The following ABHD1 variants were observed in gnomAD, a reference collection of about 807,000 sequenced individuals.
ABHD1 encodes protein ABHD1.
In ABHD1, 47 loss-of-function variants were observed where a neutral mutation model predicts 41.4. The ratio of observed to expected loss-of-function variants is 1.13; its 90% CI spans 0.90 to 1.45. The LOEUF is 1.45. Ranked by LOEUF, ABHD1 falls within the 40% of genes most tolerant of loss-of-function variation. The pLI is 0.00. For synonymous variants in ABHD1, 205 were observed against 203.7 expected, an observed-to-expected ratio of 1.01 and a Z score of -0.05; for missense variants, 550 against 503.4, an observed-to-expected ratio of 1.09 and a Z score of -0.89.
rs140804693 is a variant in ABHD1 at position 27,128,475 on chromosome 2, C to G, written c.149C>G (p.Ala50Gly). 3.7e-6 allele frequency: 6 copies of G among 1,613,928 alleles called. No homozygotes were observed. The highest frequency in any genetic ancestry group is 5.1e-6 in the Non-Finnish European group (6 of 1,180,014). ...PRLVAGPQFL[A>G]FLEPHCSITT... ...CTGGTGGCTGGGCCGCAGTTTCTGGCCTTCCTGGAGCCACACTGTTCCATC... is the reference window on the plus strand; with the variant it reads ...CTGGTGGCTGGGCCGCAGTTTCTGGGCTTCCTGGAGCCACACTGTTCCATC... The change falls in exon 2 of 9, where the codon GCC (alanine) becomes GGC (glycine). Residue 50 changes from alanine (A) to glycine (G), a missense_variant. Coordinates refer to ENST00000316470, the MANE Select transcript of ABHD1 (RefSeq NM_032604.4).
At position 27,129,842 on chromosome 2, in the gene ABHD1, G is replaced by C; in HGVS notation, c.706G>C (p.Glu236Gln). 1 of 1,614,176 alleles carries C rather than the reference G, an allele frequency of 6.2e-7. No individual in the cohort carries two copies. The highest frequency in any genetic ancestry group is 8.5e-7 in the Non-Finnish European group (1 of 1,180,048). ...LTLSACWDSF[E>Q]TTRSLETPLN... ...TCTGTCTGCATGCTGGGATTCCTTTGAGACCACTCGCTCCCTGGAAACCCC... is the reference window on the plus strand; with the variant it reads ...TCTGTCTGCATGCTGGGATTCCTTTCAGACCACTCGCTCCCTGGAAACCCC... Residue 236 changes from glutamate (E) to glutamine (Q), a missense_variant, in exon 6 of 9, where the codon GAG becomes CAG. Coordinates refer to ENST00000316470, the MANE Select transcript of ABHD1 (RefSeq NM_032604.4).
intron 2 of ABHD1, 48 bp from the exon 3 acceptor site, chr2:27,128,897 C>A: frequency 6.3e-7 from 1 of 1,579,802 alleles, no homozygotes; most frequent in Admixed American, 1.8e-5. Flanking sequence ...TTTTGAATTA[C>A]ATTAAGTTCT....
intron 2 of ABHD1, 52 bp from the exon 3 acceptor site, chr2:27,128,893 A>C: frequency 6.4e-7 from 1 of 1,571,400 alleles, no homozygotes; most frequent in Non-Finnish European, 8.6e-7. Flanking sequence ...AAGCTTTTGA[A>C]TTACATTAAG....
intron 6 of ABHD1, 60 bp downstream of exon 6, chr2:27,129,987 C>T (rs922729542): frequency 2.5e-6 from 4 of 1,610,564 alleles, no homozygotes; most frequent in Non-Finnish European, 3.4e-6. Context: ...ACACTCCAGG[C>T]TCTCCTAGTG....
chr2:27,130,198 C>T, intron 7 of ABHD1, 45 bp downstream of exon 7: 1 of 1,614,142 alleles, frequency 6.2e-7, no homozygotes, highest in African/African-American at 1.3e-5. Flanking sequence ...ATGAGTCTTC[C>T]ACTATCTTCC....
chr2:27,128,050 G>A (rs1047998965), intron 1 of ABHD1, among the ~76,000 whole-genome samples: 4 of 152,160 alleles, frequency 2.6e-5, no homozygotes, highest in African/African-American at 9.7e-5. Context: ...CTGGGCTCAA[G>A]TGATCCTCCC....
In ABHD1 at chr2:27,129,340, C is replaced by T. The variant is rs1433228659; in HGVS notation, c.483C>T (p.Gly161=). The T allele has an allele frequency of 2.5e-6, 4 of 1,614,048 alleles. No individual in the cohort carries two copies. Among genetic ancestry groups the T allele is most frequent in the South Asian group, 1.1e-5 (1 of 91,086 alleles). ...GYQAVVFNNR[G]CRGEELRTHR... ...GGGCTGTCGTGTTTAACAACCGGGG[C>T]TGCCGTGGGGAGGAACTGCGGGTGA... Residue 161 remains glycine (G), a synonymous_variant, in exon 4 of 9, where the codon GGC becomes GGT. Transcript: ENST00000316470.
At position 27,128,970 on chromosome 2, in the gene ABHD1, G is replaced by A. The variant is rs760820844; in HGVS notation, c.301G>A (p.Gly101Ser). The change falls in exon 3 of 9, where the codon GGC becomes AGC. Residue 101 changes from glycine (G) to serine (S), a missense_variant. Gly to Ser is a moderately conservative substitution (Grantham distance 56, BLOSUM62 0). Coordinates refer to ENST00000316470, the MANE Select transcript of ABHD1 (RefSeq NM_032604.4). Reference sequence around the variant, plus strand: ...TGACATCCTCCAAACACCAGATGGAGGCCAGCTCCTGCTAGACTGGGCCAA... The same window carrying A: ...TGACATCCTCCAAACACCAGATGGAAGCCAGCTCCTGCTAGACTGGGCCAA... ...QSDILQTPDG[G>S]QLLLDWAKQP... 1 of 1,614,048 alleles carries A rather than the reference G, an allele frequency of 6.2e-7. No homozygotes were observed. The highest frequency in any genetic ancestry group is 1.7e-5 in the Admixed American group (1 of 59,976).
chr2:27,130,209 T>G, intron 7 of ABHD1, 42 bp from the exon 8 acceptor site: 2 of 1,614,196 alleles, frequency 1.2e-6, no homozygotes, highest in Non-Finnish European at 1.7e-6. Flanking sequence ...ACTATCTTCC[T>G]ATTCTTTATC....
At chr2:27,126,797 C>T (rs1671973278) in intron 1 of ABHD1, 1 of 152,272 alleles carries the variant, frequency 6.6e-6, no homozygotes, top group African/African-American at 2.4e-5. Flanking sequence ...AAGATAAGGT[C>T]CCCGGTAGAA....
chr2:27,129,203 T>TA, intron 3 of ABHD1, 76 bp downstream of exon 3: 1 of 1,591,698 alleles, frequency 6.3e-7, no homozygotes, highest in South Asian at 1.1e-5. Flanking sequence ...CGGACACTGA[T>TA]AGATAAGAAG....
At chr2:27,124,888 C>T (rs1572914357) in intron 1 of ABHD1, 1 of 152,578 alleles carries the variant, frequency 6.6e-6, no homozygotes, top group African/African-American at 2.4e-5. Flanking sequence ...CGCCTGTAAT[C>T]CCAACACTTT....
intron 8 of ABHD1, 44 bp from the exon 9 acceptor site, chr2:27,130,489 C>T (rs776261316): frequency 6.2e-7 from 1 of 1,611,580 alleles, no homozygotes; most frequent in Admixed American, 1.7e-5. Flanking sequence ...ACAGCCTGGG[C>T]TCCCAGTGAA....
chr2:27,124,164 C>T (rs764868129), intron 1 of ABHD1, 102 bp downstream of exon 1: 8 of 1,087,626 alleles, frequency 7.4e-6, no homozygotes, highest in African/African-American at 1.6e-5. Flanking sequence ...GTTGGGCTTC[C>T]CCACAGGTGA....
Position 27,128,491 on chromosome 2 carries a change from CTG to C in ABHD1, c.167_168del (p.Cys56PhefsTer15). The C allele has an allele frequency of 6.2e-7, 1 of 1,604,042 alleles. No homozygotes were observed. Among genetic ancestry groups the C allele is most frequent in the South Asian group, 1.1e-5 (1 of 90,670 alleles). ...PQFLAFLEPHCSITTETFYPT... is the reference protein window; with the variant it reads ...PQFLAFLEPHXSITTETFYPT... ...AGTTTCTGGCCTTCCTGGAGCCACACTGTTCCATCACCACCGAGACTTTCTAC... is the reference window on the plus strand; with the variant it reads ...AGTTTCTGGCCTTCCTGGAGCCACACTTCCATCACCACCGAGACTTTCTAC... On this transcript the variant is annotated frameshift_variant, in exon 2 of 9. Transcript: ENST00000316470. LOFTEE classifies it high-confidence loss of function.
At chr2:27,125,524 A>C (rs1400861855) in intron 1 of ABHD1, 1 of 152,206 alleles carries the variant, frequency 6.6e-6, no homozygotes, top group Non-Finnish European at 1.5e-5. Flanking sequence ...AAATCAAATT[A>C]ACCCACATAA....
intron 8 of ABHD1, 22 bp downstream of exon 8, chr2:27,130,438 A>C: frequency 6.2e-7 from 1 of 1,613,604 alleles, no homozygotes; most frequent in Admixed American, 1.7e-5. Context: ...GATTCAGGAC[A>C]CTTTGGCCCC....
intron 5 of ABHD1, 25 bp downstream of exon 5, chr2:27,129,651 A>C: frequency 2.5e-6 from 4 of 1,610,700 alleles, no homozygotes; most frequent in Non-Finnish European, 3.4e-6. Flanking sequence ...GGCTTAGCCC[A>C]GAGGCCCAGT....
rs1249690444 is a variant in ABHD1, at chr2:27,129,117, G to C, written c.448G>C (p.Asp150His). Residue 150 changes from aspartate to histidine, a missense_variant, in exon 3 of 9, where the codon GAT becomes CAT. Asp to His is a moderately conservative substitution (Grantham distance 81). Transcript: ENST00000316470. ...GCACCTAGTTAACCAAGCTCTGAGG[G>C]ATGGCTACCAGTAAGGATGGGTGCA... is the stretch of plus-strand genomic sequence containing the variant. ...VLHLVNQALR[D>H]GYQAVVFNNR... 1 of 1,612,716 alleles carries C rather than the reference G, an allele frequency of 6.2e-7. No homozygotes were observed. The highest frequency in any genetic ancestry group is 8.5e-7 in the Non-Finnish European group (1 of 1,179,620).
Sources: allele counts gnomAD v4.1 joint callset (sites outside exome capture counted in the v4.1 genomes callset), GRCh38; gene constraint gnomAD v4.1.1; transcripts MANE v1.5; gene names NCBI Gene and HGNC (gene_info 2026-07-23, HGNC 2026-07-21).